The following ZBTB8A variants were observed in gnomAD, a reference collection of about 807,000 sequenced individuals.
The protein encoded by ZBTB8A is zinc finger and BTB domain containing 8A.
A neutral mutation model predicts 37.8 loss-of-function variants in ZBTB8A; 19 were observed. The observed-to-expected ratio is 0.50, with a 90% CI of 0.35 to 0.74. The LOEUF (loss-of-function observed/expected upper bound fraction) is 0.74. Ranked by LOEUF, ZBTB8A falls within the 30% of genes least tolerant of loss-of-function variation. The probability of loss-of-function intolerance (pLI) is 0.01; values close to 1 mark genes in which losing one functional copy is unlikely to be tolerated. For missense variants in ZBTB8A, 394 were observed against 537.8 expected (o/e 0.73, Z 2.65); for synonymous variants, 181 against 185.2 (o/e 0.98, Z 0.19).
At chr1:32,584,978 A>G (rs536222681) in intron 2 of ZBTB8A, among the ~76,000 whole-genome samples, 36 of 150,800 alleles carry the variant, frequency 2.4e-4, no homozygotes, top group Admixed American at 2.1e-3. Flanking sequence ...ATGAAATAAA[A>G]CTCCTTATTT....
intron 1 of ZBTB8A, among the ~76,000 whole-genome samples, chr1:32,541,190 A>G (rs1475750065): frequency 6.6e-6 from 1 of 152,182 alleles, no homozygotes; most frequent in African/African-American, 2.4e-5. Flanking sequence ...TTTCTGCTCA[A>G]AATTGGTCAG....
intron 2 of ZBTB8A, among the ~76,000 whole-genome samples, chr1:32,572,089 A>G (rs958209018): frequency 2.0e-5 from 3 of 152,024 alleles, no homozygotes. Flanking sequence ...TTTTGTGTCC[A>G]TGTTTACAAG....
chr1:32,540,191 C>T (rs1274898080), intron 1 of ZBTB8A, among the ~76,000 whole-genome samples: 3 of 152,180 alleles, frequency 2.0e-5, no homozygotes, highest in African/African-American at 7.2e-5. Context: ...ACCTTACATG[C>T]TCATCTCTAC....
chr1:32,567,148 G>A (rs1173098180), intron 2 of ZBTB8A, among the ~76,000 whole-genome samples: 1 of 152,150 alleles, frequency 6.6e-6, no homozygotes, highest in African/African-American at 2.4e-5. Flanking sequence ...GAAACTTACA[G>A]TGATGGCAAA....
intron 2 of ZBTB8A, among the ~76,000 whole-genome samples, chr1:32,586,600 A>T (rs1243964090): frequency 4.0e-5 from 6 of 149,370 alleles, no homozygotes; most frequent in Non-Finnish European, 5.9e-5. Flanking sequence ...ATAGGAAGTG[A>T]AAATGTGAGC....
intron 2 of ZBTB8A, among the ~76,000 whole-genome samples, chr1:32,585,027 C>CTTTTT (rs1163697499): frequency 7.6e-5 from 8 of 105,610 alleles, no homozygotes; most frequent in South Asian, 3.1e-4. Context: ...TTTCAGATTT[C>CTTTTT]TTTTTTTTTT....
chr1:32,539,868 C>G (rs1557697535), intron 1 of ZBTB8A, among the ~76,000 whole-genome samples: 1 of 148,990 alleles, frequency 6.7e-6, no homozygotes, highest in African/African-American at 2.4e-5. Context: ...GGGAAGGCGG[C>G]GGGGACGGCG....
intron 2 of ZBTB8A, among the ~76,000 whole-genome samples, chr1:32,567,505 G>A (rs1397946973): frequency 6.6e-6 from 1 of 152,026 alleles, no homozygotes; most frequent in Non-Finnish European, 1.5e-5. Context: ...TTATTAAGAT[G>A]TAATTTAGGC....
At chr1:32,554,300 G>A (rs927379927) in intron 2 of ZBTB8A, among the ~76,000 whole-genome samples, 3 of 150,628 alleles carry the variant, frequency 2.0e-5, no homozygotes, top group African/African-American at 4.9e-5. Context: ...GATGTTCAGC[G>A]TTCTGATTTT....
At chr1:32,541,803 G>T (rs1343608525) in intron 1 of ZBTB8A, among the ~76,000 whole-genome samples, 1 of 152,130 alleles carries the variant, frequency 6.6e-6, no homozygotes, top group Non-Finnish European at 1.5e-5. Flanking sequence ...ATCCATGAGG[G>T]CAGAGTCTTC....
chr1:32,573,940 G>A (rs1025607360), intron 2 of ZBTB8A, among the ~76,000 whole-genome samples: 3 of 151,454 alleles, frequency 2.0e-5, no homozygotes, highest in Admixed American at 6.6e-5. Flanking sequence ...GCCGGGTGTG[G>A]CAGCGCGTGC....
chr1:32,558,316 C>CT (rs1644218459), intron 2 of ZBTB8A, among the ~76,000 whole-genome samples: 1 of 151,980 alleles, frequency 6.6e-6, no homozygotes, highest in Admixed American at 6.6e-5. Flanking sequence ...GCCATTTTCT[C>CT]TTTTTTTCTT....
At chr1:32,583,372 C>T (rs12077054) in intron 2 of ZBTB8A, among the ~76,000 whole-genome samples, 6 of 146,102 alleles carry the variant, frequency 4.1e-5, no homozygotes, top group African/African-American at 1.3e-4. Context: ...CAGAGTGAGA[C>T]CCTGTCTCAA....
chr1:32,550,232 T>C (rs1644141328), intron 1 of ZBTB8A, among the ~76,000 whole-genome samples: 1 of 152,046 alleles, frequency 6.6e-6, no homozygotes, highest in East Asian at 1.9e-4. Context: ...AACTCTAATA[T>C]CTGCTAGAGT....
intron 2 of ZBTB8A, among the ~76,000 whole-genome samples, chr1:32,577,297 C>T (rs150138118): frequency 7.3e-5 from 11 of 151,166 alleles, no homozygotes; most frequent in East Asian, 2.0e-4. Context: ...CAGGTTCAAG[C>T]GATTCTCATG....
chr1:32,541,761 C>T (rs893268100), intron 1 of ZBTB8A, among the ~76,000 whole-genome samples: 29 of 152,112 alleles, frequency 1.9e-4, no homozygotes, highest in African/African-American at 4.8e-4. Flanking sequence ...TAAACTCACT[C>T]CCTCAGGTGC....
At chr1:32,555,583 G>A (rs1017720922) in intron 2 of ZBTB8A, among the ~76,000 whole-genome samples, 20 of 152,076 alleles carry the variant, frequency 1.3e-4, no homozygotes, top group Non-Finnish European at 2.5e-4. Flanking sequence ...CTGTAACACT[G>A]GCATCTTTTC....
intron 1 of ZBTB8A, among the ~76,000 whole-genome samples, chr1:32,548,242 T>G (rs1257300102): frequency 6.6e-6 from 1 of 152,072 alleles, no homozygotes; most frequent in African/African-American, 2.4e-5. Flanking sequence ...ACATGTAGTT[T>G]TGAAATGATC....
intron 1 of ZBTB8A, among the ~76,000 whole-genome samples, chr1:32,548,112 G>A (rs1424513491): frequency 4.5e-5 from 6 of 134,192 alleles, no homozygotes; most frequent in East Asian, 4.5e-4. Flanking sequence ...CAGCTTGGGC[G>A]ACAGAGCTAG....
Sources: allele counts gnomAD v4.1 joint callset (sites outside exome capture counted in the v4.1 genomes callset), GRCh38; gene constraint gnomAD v4.1.1; transcripts MANE v1.5; gene names NCBI Gene and HGNC (gene_info 2026-07-23, HGNC 2026-07-21).